Variants in MAST4 observed in about 807,000 individuals in gnomAD.
MAST4 encodes the protein microtubule-associated serine/threonine-protein kinase 4.
A neutral mutation model predicts 162.7 loss-of-function variants in MAST4; 89 were observed. The ratio of observed to expected loss-of-function variants is 0.55; its 90% confidence interval spans 0.46 to 0.65. The LOEUF (loss-of-function observed/expected upper bound fraction) is 0.65, where lower values mean the gene tolerates loss of function less well. MAST4 is among the 30% of genes least tolerant of loss of function. The pLI is 0.00. For synonymous variants in MAST4, 1,479 were observed against 1,361.1 expected, an observed-to-expected ratio of 1.09 and a Z score of -1.91; for missense variants, 3,153 against 3,374.0, an observed-to-expected ratio of 0.93 and a Z score of 1.62.
chr5:67,049,103 G>A (rs1757860026), intron 4 of MAST4, among the ~76,000 whole-genome samples: 1 of 133,136 alleles, frequency 7.5e-6, no homozygotes, highest in Admixed American at 7.7e-5. Flanking sequence ...AGAATGAATG[G>A]GCAAGCTGCA....
At chr5:67,008,932 C>T (rs939277582) in intron 4 of MAST4, among the ~76,000 whole-genome samples, 2 of 152,154 alleles carry the variant, frequency 1.3e-5, no homozygotes, top group African/African-American at 2.4e-5. Flanking sequence ...CTTTGTTTTG[C>T]TCATGAATAT....
intron 4 of MAST4, among the ~76,000 whole-genome samples, chr5:66,941,778 A>C (rs1743397240): frequency 6.6e-6 from 1 of 152,104 alleles, no homozygotes; most frequent in East Asian, 1.9e-4. Flanking sequence ...TGAAAATGAG[A>C]GATGTGTGTC....
intron 1 of MAST4, among the ~76,000 whole-genome samples, chr5:66,599,918 G>GGTGC (rs1742443955): frequency 6.7e-6 from 1 of 149,974 alleles, no homozygotes; most frequent in South Asian, 2.1e-4. Context: ...TTTCTAAAGG[G>GGTGC]GTGTGTGTGT....
intron 1 of MAST4, among the ~76,000 whole-genome samples, chr5:66,696,219 G>A (rs1371491088): frequency 2.0e-5 from 3 of 152,086 alleles, no homozygotes; most frequent in African/African-American, 7.2e-5. Context: ...GGTGGGAGGA[G>A]GGAGAGCATC....
At chr5:66,610,602 G>A (rs1209900741) in intron 1 of MAST4, among the ~76,000 whole-genome samples, 2 of 152,160 alleles carry the variant, frequency 1.3e-5, no homozygotes, top group African/African-American at 4.8e-5. Context: ...GTTAGAACAC[G>A]AGTTCCACTG....
chr5:66,849,571 G>A (rs973137290), intron 3 of MAST4, among the ~76,000 whole-genome samples: 4 of 151,988 alleles, frequency 2.6e-5, no homozygotes, highest in East Asian at 1.9e-4. Flanking sequence ...AGGGTAAGGC[G>A]TTCCTTCTTC....
At chr5:66,825,511 A>G (rs542742964) in intron 3 of MAST4, among the ~76,000 whole-genome samples, 73 of 152,326 alleles carry the variant, frequency 4.8e-4, no homozygotes, top group African/African-American at 1.7e-3. Flanking sequence ...CTTGTACCAA[A>G]CATCACCATG....
chr5:67,131,538 T>G lies in MAST4; in HGVS notation c.1955-275T>G, dbSNP rs566177404. Among the ~76,000 whole-genome samples, 3 of 152,274 alleles carry G rather than the reference T, an allele frequency of 2.0e-5. No homozygotes were observed. The South Asian group carries it at 6.2e-4, about 32-fold the overall frequency. Reference sequence around the variant, plus strand: ...GGTGTATTTTAAATTGTTACCATGATCCTAAAATTATGCTAGCCGTTCTTT... The same window carrying G: ...GGTGTATTTTAAATTGTTACCATGAGCCTAAAATTATGCTAGCCGTTCTTT... On this transcript the variant is annotated intron_variant, in intron 15 of 28. Transcript: ENST00000403625.
intron 14 of MAST4, among the ~76,000 whole-genome samples, chr5:67,124,027 A>G (rs1767894292): frequency 6.6e-6 from 1 of 152,168 alleles, no homozygotes; most frequent in African/African-American, 2.4e-5. Flanking sequence ...ATAATTTTAT[A>G]CACGCTAGAC....
chr5:66,708,005 C>T (rs1031808307), intron 1 of MAST4, among the ~76,000 whole-genome samples: 3 of 152,286 alleles, frequency 2.0e-5, no homozygotes, highest in African/African-American at 2.4e-5. Flanking sequence ...ACTCTTTACA[C>T]GTCAACTCTG....
intron 3 of MAST4, among the ~76,000 whole-genome samples, chr5:66,839,193 C>A (rs919654248): frequency 1.3e-4 from 20 of 152,212 alleles, no homozygotes; most frequent in African/African-American, 4.6e-4. Context: ...GGATTAGAAA[C>A]AAGAGCAAGA....
At chr5:67,040,721 C>A (rs192930412) in intron 4 of MAST4, among the ~76,000 whole-genome samples, 15 of 152,326 alleles carry the variant, frequency 9.8e-5, no homozygotes, top group Admixed American at 6.5e-4. Context: ...TTCCTAGTTA[C>A]CAAGCTCATG....
At chr5:66,810,221 G>A (rs1049490433) in intron 3 of MAST4, among the ~76,000 whole-genome samples, 2 of 152,176 alleles carry the variant, frequency 1.3e-5, no homozygotes, top group Non-Finnish European at 2.9e-5. Flanking sequence ...GCCTTAGAGT[G>A]TGTTGTGTTG....
At chr5:67,060,605 G>T (rs1039821441) in intron 5 of MAST4, among the ~76,000 whole-genome samples, 1 of 151,576 alleles carries the variant, frequency 6.6e-6, no homozygotes, top group African/African-American at 2.4e-5. Flanking sequence ...AGCCTCCTGA[G>T]TAACTGGGAC....
chr5:66,955,312 T>C (rs1457556349), intron 4 of MAST4, among the ~76,000 whole-genome samples: 2 of 151,570 alleles, frequency 1.3e-5, no homozygotes, highest in Non-Finnish European at 2.9e-5. Flanking sequence ...TGTTTGGACA[T>C]GTCAGGGGAG....
intron 3 of MAST4, among the ~76,000 whole-genome samples, chr5:66,865,718 G>A (rs1760462240): frequency 6.6e-6 from 1 of 152,038 alleles, no homozygotes; most frequent in Non-Finnish European, 1.5e-5. Flanking sequence ...ACTTTCTTAG[G>A]GCTGTTTTTA....
chr5:66,934,029 T>G (rs1480673082), intron 4 of MAST4, among the ~76,000 whole-genome samples: 1 of 152,078 alleles, frequency 6.6e-6, no homozygotes, highest in African/African-American at 2.4e-5. Flanking sequence ...AAGTCAGATA[T>G]AAACTTCTGT....
chr5:66,888,275 A>G (rs1260345524), intron 3 of MAST4, among the ~76,000 whole-genome samples: 2 of 152,190 alleles, frequency 1.3e-5, no homozygotes, highest in Non-Finnish European at 2.9e-5. Context: ...TACATTTTAT[A>G]TGTATATTTT....
At chr5:66,947,014 A>G (rs1196656557) in intron 4 of MAST4, among the ~76,000 whole-genome samples, 1 of 152,184 alleles carries the variant, frequency 6.6e-6, no homozygotes, top group African/African-American at 2.4e-5. Flanking sequence ...TGTAAATAAA[A>G]TGAATGATTA....
Sources: gnomAD v4.1 joint callset for allele counts (sites outside exome capture counted in the v4.1 genomes callset) on GRCh38, gnomAD v4.1.1 for gene constraint, MANE v1.5 for transcripts, NCBI Gene and HGNC (gene_info 2026-07-23, HGNC 2026-07-21) for gene names.